Variants in C5AR2 observed in about 807,000 individuals in gnomAD.
The protein encoded by C5AR2 is C5a anaphylatoxin chemotactic receptor 2.
For missense variants in C5AR2, 458 were observed against 467.5 expected (o/e 0.98, Z 0.19); for synonymous variants, 224 against 216.5 (o/e 1.03, Z -0.30).
intron 1 of C5AR2, among the ~76,000 whole-genome samples, chr19:47,338,661 A>ATAATAATAATAG (rs1472556733): frequency 8.8e-6 from 1 of 114,124 alleles, no homozygotes; most frequent in East Asian, 2.9e-4. Context: ...CTCCAAAATA[A>ATAATAATAATAG]TAATAATAAT....
chr19:47,339,039 A>C (rs2059371381), intron 1 of C5AR2, among the ~76,000 whole-genome samples: 1 of 151,838 alleles, frequency 6.6e-6, no homozygotes, highest in African/African-American at 2.4e-5. Context: ...CTGTAATCTC[A>C]GCTACTTGGG....
In C5AR2 at chr19:47,346,003, C is replaced by A; in HGVS notation, c.*4190C>A. 1 of 152,240 alleles carries A rather than the reference C, an allele frequency of 6.6e-6. No homozygotes were observed. The highest frequency in any genetic ancestry group is 1.9e-4 in the East Asian group (1 of 5,188). 9.4% of individuals were successfully genotyped at this position (152,240 alleles called of 1,614,324 possible). A position where few individuals can be genotyped will look rare whatever the true frequency, so the allele number is the denominator to read the frequency against. On this transcript the variant is annotated 3_prime_UTR_variant, in exon 2 of 2. Transcript: ENST00000595464. ...CCGGATTCAAGTGATTCTCCTGCCG[C>A]AGCCTCCCGAGTAGCTGGGACTACA...
chr19:47,336,126 G>C (rs1247629163), intron 1 of C5AR2, among the ~76,000 whole-genome samples: 1 of 152,196 alleles, frequency 6.6e-6, no homozygotes, highest in East Asian at 1.9e-4. Context: ...TCTCGCTGTT[G>C]TCGCCCAGGC....
At position 47,341,021 on chromosome 19, in the gene C5AR2, C is replaced by G; in HGVS notation, c.222C>G (p.Leu74=). The G allele has an allele frequency of 6.2e-7, 1 of 1,608,658 alleles. No homozygotes were observed. Among genetic ancestry groups the G allele is most frequent in the Non-Finnish European group, 8.5e-7 (1 of 1,179,924 alleles). ...GGAGGGTGGGTGCCACCTGGTTGCT[C>G]CACCTGGCCGTGGCGGATTTGCTGT... ...ARRRVGATWL[L]HLAVADLLCC... The change falls in exon 2 of 2, where the codon CTC becomes CTG. Residue 74 remains leucine (L), a synonymous_variant. Transcript: ENST00000595464. This position sits in a 1 kb window ranked among gnomAD's most constrained non-coding sequence, Gnocchi z 4.6.
intron 1 of C5AR2, among the ~76,000 whole-genome samples, chr19:47,339,377 C>T (rs2059373325): frequency 6.6e-6 from 1 of 151,502 alleles, no homozygotes; most frequent in South Asian, 2.1e-4. Flanking sequence ...AGTGCACTGG[C>T]ATGATCTCAG....
At position 47,344,639 on chromosome 19, in the gene C5AR2, C is replaced by T. The variant is rs1277639161; in HGVS notation, c.*2826C>T. ...AGGCGTCCCTCAAATGTCACTTCCT[C>T]CAGGAAGCCCTCCCTGATTTATGCT... is the stretch of plus-strand genomic sequence containing the variant. On this transcript the variant is annotated 3_prime_UTR_variant, in exon 2 of 2. Coordinates refer to ENST00000595464, the MANE Select transcript of C5AR2 (RefSeq NM_001271749.2). 1.3e-5 allele frequency: 2 copies of T among 152,178 alleles called. No individual in the cohort carries two copies. The highest frequency in any genetic ancestry group is 2.9e-5 in the Non-Finnish European group (2 of 68,038). The allele number at this position is 152,178 out of a possible 1,614,324, so 9.4% of individuals were successfully genotyped here.
intron 1 of C5AR2, among the ~76,000 whole-genome samples, chr19:47,338,153 G>A (rs919023426): frequency 2.0e-5 from 3 of 152,058 alleles, no homozygotes; most frequent in Non-Finnish European, 2.9e-5. Flanking sequence ...GCCACTGCCT[G>A]TAGTCCCAGC....
At position 47,340,920 on chromosome 19, in the gene C5AR2, C is replaced by T. The variant is rs1969006143; in HGVS notation, c.121C>T (p.Leu41=). 1 of 1,612,714 alleles carries T rather than the reference C, an allele frequency of 6.2e-7. No individual in the cohort carries two copies. Among genetic ancestry groups the T allele is most frequent in the East Asian group, 2.2e-5 (1 of 44,870 alleles). ...IDPLRVAPLP[L]YAAIFLVGVP... ...CCCGCTGCGCGTGGCCCCGCTCCCA[C>T]TGTATGCCGCCATCTTCCTGGTGGG... Residue 41 remains leucine (L), a synonymous_variant, in exon 2 of 2, where the codon CTG becomes TTG. Coordinates refer to ENST00000595464, the MANE Select transcript of C5AR2 (RefSeq NM_001271749.2).
In C5AR2 at chr19:47,347,267, C is replaced by A. The variant is rs114688410; in HGVS notation, c.*5454C>A. On this transcript the variant is annotated 3_prime_UTR_variant, in exon 2 of 2. Coordinates refer to ENST00000595464, the MANE Select transcript of C5AR2 (RefSeq NM_001271749.2). ...AGACTGTGGCTTTCTTGTTGATTTC[C>A]ATTTGTTGTTCATTTCCTCCAATTT... The A allele has an allele frequency of 8.0e-4, 122 of 151,958 alleles. No individual in the cohort carries two copies. Among genetic ancestry groups the A allele is most frequent in the African/African-American group, 2.8e-3 (116 of 41,446 alleles). 9.4% of individuals were successfully genotyped at this position (151,958 alleles called of 1,614,324 possible). A position where few individuals can be genotyped will look rare whatever the true frequency, so the allele number is the denominator to read the frequency against.
At chr19:47,335,899 T>G (rs2059355933) in intron 1 of C5AR2, among the ~76,000 whole-genome samples, 1 of 145,270 alleles carries the variant, frequency 6.9e-6, no homozygotes, top group Non-Finnish European at 1.5e-5. Flanking sequence ...TAACAGCAGC[T>G]AGCCTACGTA....
intron 1 of C5AR2, among the ~76,000 whole-genome samples, chr19:47,334,494 A>G (rs1395750850): frequency 2.0e-5 from 3 of 146,372 alleles, no homozygotes; most frequent in Non-Finnish European, 4.5e-5. Flanking sequence ...TTAGCTGGGC[A>G]TGATGGCGTG....
chr19:47,337,649 G>A (rs1037295573), intron 1 of C5AR2, among the ~76,000 whole-genome samples: 1 of 151,878 alleles, frequency 6.6e-6, no homozygotes, highest in African/African-American at 2.4e-5. Flanking sequence ...ATGACAGAGC[G>A]AGACTCTGTC....
chr19:47,337,802 G>T (rs2059364122), intron 1 of C5AR2, among the ~76,000 whole-genome samples: 1 of 152,104 alleles, frequency 6.6e-6, no homozygotes, highest in Non-Finnish European at 1.5e-5. Flanking sequence ...CAGGCACGGT[G>T]GCTCATGCCT....
chr19:47,341,984 A>G lies in C5AR2; in HGVS notation c.*171A>G. 1 of 646,374 alleles carries G rather than the reference A, an allele frequency of 1.5e-6. No individual in the cohort carries two copies. Among genetic ancestry groups the G allele is most frequent in the East Asian group, 2.8e-5 (1 of 36,152 alleles). 40.0% of individuals were successfully genotyped at this position (646,374 alleles called of 1,614,324 possible). A position where few individuals can be genotyped will look rare whatever the true frequency, so the allele number is the denominator to read the frequency against. On this transcript the variant is annotated 3_prime_UTR_variant, in exon 2 of 2. Transcript: ENST00000595464. The surrounding 1 kb of genome is among the most constrained non-coding windows in gnomAD (Gnocchi z 4.6). ...AGGCCTTTTTAGGCACTAGAGATAT[A>G]GCAGTGACCAAAACAGACACAAATC...
intron 1 of C5AR2, among the ~76,000 whole-genome samples, chr19:47,335,767 G>A (rs1283063131): frequency 8.9e-4 from 1 of 1,124 alleles, no homozygotes. Flanking sequence ...GTGATACTCC[G>A]TCTCAAAAAA....
chr19:47,336,398 T>G (rs1019149714), intron 1 of C5AR2, among the ~76,000 whole-genome samples: 1 of 147,180 alleles, frequency 6.8e-6, no homozygotes, highest in African/African-American at 2.5e-5. Context: ...CTAGGGGGGG[T>G]TCAGTTTTTA....
In C5AR2 at chr19:47,341,860, G is replaced by A; in HGVS notation, c.*47G>A. On this transcript the variant is annotated 3_prime_UTR_variant, in exon 2 of 2. Transcript: ENST00000595464. The surrounding 1 kb of genome is among the most constrained non-coding windows in gnomAD (Gnocchi z 4.6). ...TGTATCTTCTTATCTCATTTCACAA[G>A]ACTGGCTTCAGGCATAGCTGGATCC... 1 of 1,562,932 alleles carries A rather than the reference G, an allele frequency of 6.4e-7. No homozygotes were observed. Among genetic ancestry groups the A allele is most frequent in the Non-Finnish European group, 8.8e-7 (1 of 1,140,000 alleles).
chr19:47,342,169 A>G lies in C5AR2; in HGVS notation c.*356A>G, dbSNP rs1969049954. ...CAGGACTTCAAGACCAGCCTAGCCA[A>G]TATGGTGAAACCCTGTCTCTACTAA... is the stretch of plus-strand genomic sequence containing the variant. On this transcript the variant is annotated 3_prime_UTR_variant, in exon 2 of 2. Transcript: ENST00000595464. The G allele has an allele frequency of 5.2e-6, 1 of 193,220 alleles. No individual in the cohort carries two copies. Among genetic ancestry groups the G allele is most frequent in the Admixed American group, 5.3e-5 (1 of 18,786 alleles). The allele number at this position is 193,220 out of a possible 1,614,324, so 12.0% of individuals were successfully genotyped here.
rs1969103766 is a variant in C5AR2, at chr19:47,345,357, A to ATT, written c.*3544_*3545insTT. On this transcript the variant is annotated 3_prime_UTR_variant, in exon 2 of 2. Coordinates refer to ENST00000595464, the MANE Select transcript of C5AR2 (RefSeq NM_001271749.2). Reference sequence around the variant, plus strand: ...AGCTCAGTCAGAAAGCACTGGTATCACTTTTTTTTTTTTTTTTTTTTTTTG... The same window carrying ATT: ...AGCTCAGTCAGAAAGCACTGGTATCATTCTTTTTTTTTTTTTTTTTTTTTTTG... 7.5e-6 allele frequency: 1 copy of ATT among 133,454 alleles called. No homozygotes were observed. The allele number at this position is 133,454 out of a possible 1,614,324, so 8.3% of individuals were successfully genotyped here.
Sources: gnomAD v4.1 joint callset for allele counts (sites outside exome capture counted in the v4.1 genomes callset) on GRCh38, gnomAD v4.1.1 for gene constraint, Gnocchi (gnomAD v3.1) non-coding constraint, MANE v1.5 for transcripts, NCBI Gene and HGNC (gene_info 2026-07-23, HGNC 2026-07-21) for gene names.